Variants in BTG4 observed in about 807,000 individuals in gnomAD.
BTG4 encodes protein BTG4.
Under a neutral mutation model 19.3 loss-of-function variants are expected in BTG4, and 10 were observed. The ratio of observed to expected loss-of-function variants is 0.52; its 90% CI spans 0.32 to 0.88. The LOEUF is 0.88. BTG4 is among the 40% of genes least tolerant of loss of function. The pLI, the probability that BTG4 is intolerant of heterozygous loss-of-function variation, is 0.04. For missense variants in BTG4, 238 were observed against 281.9 expected (o/e 0.84, Z 1.11); for synonymous variants, 91 against 95.7 (o/e 0.95, Z 0.29).
chr11:111,498,605 T>A lies in BTG4; in HGVS notation c.172A>T (p.Arg58Trp), dbSNP rs1434205568. 5 of 1,611,954 alleles carry A rather than the reference T, an allele frequency of 3.1e-6. No individual in the cohort carries two copies. Among genetic ancestry groups the A allele is most frequent in the Middle Eastern group, 1.7e-4 (1 of 6,060 alleles). Residue 58 changes from arginine (R) to tryptophan (W), a missense_variant and splice_region_variant, in exon 2 of 5, where the codon AGG becomes TGG. By Grantham distance (101) the Arg-to-Trp change is moderately radical. Transcript: ENST00000692032. ...GCCATCCCACATACTAGCTCTCACC[T>A]GAAGGCTTGCCCTTTAGAAGGGCAA... Reference protein sequence around the residue: ...SDCPSKGQAFRCIRINNNQNK... With the variant: ...SDCPSKGQAFWCIRINNNQNK...
the BTG4 span, chr11:111,462,054 C>T: frequency 2.6e-5 from 4 of 152,824 alleles, no homozygotes; most frequent in South Asian, 6.2e-4. Context: ...GAGGCACCAC[C>T]TCACAGTCCC....
At chr11:111,396,157 C>T in the BTG4 span, among the ~76,000 whole-genome samples, 1 of 152,224 alleles carries the variant, frequency 6.6e-6, no homozygotes, top group Admixed American at 6.5e-5. Context: ...CAGTTGAACT[C>T]CTACATAAGA....
upstream of BTG4, among the ~76,000 whole-genome samples, chr11:111,512,579 G>T (rs1274405632): frequency 6.6e-6 from 1 of 152,198 alleles, no homozygotes; most frequent in Non-Finnish European, 1.5e-5. Flanking sequence ...GGAAGTGGGA[G>T]CCCGGGCCGA....
the BTG4 span, chr11:111,414,706 C>T: frequency 2.0e-5 from 3 of 152,350 alleles, no homozygotes; most frequent in Admixed American, 6.5e-5. Context: ...TAATGAGATC[C>T]GGGTCACTTG....
chr11:111,476,221 A>G (rs534491890), intron 5 of BTG4, among the ~76,000 whole-genome samples: 4 of 152,190 alleles, frequency 2.6e-5, no homozygotes, highest in African/African-American at 9.6e-5. Flanking sequence ...TAGACTACTA[A>G]AGAATTAAAG....
the BTG4 span, among the ~76,000 whole-genome samples, chr11:111,419,954 T>C: frequency 6.6e-6 from 1 of 152,222 alleles, no homozygotes; most frequent in Non-Finnish European, 1.5e-5. Context: ...TTGGCTTAGT[T>C]TGGCCACACA....
intron 5 of BTG4, among the ~76,000 whole-genome samples, chr11:111,487,571 C>T (rs942473225): frequency 6.6e-6 from 1 of 152,072 alleles, no homozygotes; most frequent in African/African-American, 2.4e-5. Context: ...CCCACTTTCA[C>T]CATTTTTATT....
At chr11:111,444,378 T>C in the BTG4 span, among the ~76,000 whole-genome samples, 19 of 151,810 alleles carry the variant, frequency 1.3e-4, no homozygotes, top group African/African-American at 3.1e-4. Context: ...TCTCACTTAT[T>C]TGTGGAATCT....
the BTG4 span, among the ~76,000 whole-genome samples, chr11:111,456,291 CA>C: frequency 1.3e-5 from 2 of 152,122 alleles, no homozygotes; most frequent in Non-Finnish European, 2.9e-5. This position sits in a 1 kb window ranked among gnomAD's most constrained non-coding sequence, Gnocchi z 4.2. Flanking sequence ...GAGGCTTTTC[CA>C]GTCTCTGCCG....
At chr11:111,491,111 G>C (rs1455272236), downstream of BTG4, among the ~76,000 whole-genome samples, 2 of 152,148 alleles carry the variant, frequency 1.3e-5, no homozygotes, top group South Asian at 2.1e-4. Flanking sequence ...TTAGTGAAAA[G>C]AGCCAATTCC....
At chr11:111,492,859 T>A (rs1214403995), downstream of BTG4, among the ~76,000 whole-genome samples, 1 of 152,000 alleles carries the variant, frequency 6.6e-6, no homozygotes, top group Non-Finnish European at 1.5e-5. Flanking sequence ...AGTATCCCAA[T>A]CAAGAAGTCT....
Position 111,483,192 on chromosome 11 carries a change from C to T in BTG4, c.662+11971G>A, listed in dbSNP as rs185049514. The stretch of plus-strand genomic sequence containing the variant: ...GTACACCCCAGTGCTGATACACCTG[C>T]AGTGACCACAAGCTTAGATCACAAC... On this transcript the variant is annotated intron_variant, in intron 5 of 5. Coordinates refer to the BTG4 transcript ENST00000356018. Among the ~76,000 whole-genome samples the T allele has an allele frequency of 4.6e-5, 7 of 152,294 alleles. No individual in the cohort carries two copies. The East Asian group carries it at 1.3e-3, about 29-fold the overall frequency.
At chr11:111,426,951 A>T in the BTG4 span, among the ~76,000 whole-genome samples, 1 of 152,194 alleles carries the variant, frequency 6.6e-6, no homozygotes, top group Admixed American at 6.5e-5. Flanking sequence ...TGCAAACACA[A>T]TTGATTTACA....
chr11:111,490,738 T>C (rs1203225830), downstream of BTG4, among the ~76,000 whole-genome samples: 4 of 152,326 alleles, frequency 2.6e-5, no homozygotes, highest in East Asian at 7.7e-4. Flanking sequence ...TCAGAATGGC[T>C]GAAATAAAAA....
chr11:111,408,307 A>G, the BTG4 span, among the ~76,000 whole-genome samples: 3 of 152,126 alleles, frequency 2.0e-5, 1 homozygote, highest in African/African-American at 7.2e-5. Context: ...CCATTACTAC[A>G]ACCTGCTTAG....
intron 5 of BTG4, among the ~76,000 whole-genome samples, chr11:111,477,499 A>G (rs1864464679): frequency 6.6e-6 from 1 of 152,172 alleles, no homozygotes; most frequent in Non-Finnish European, 1.5e-5. Context: ...ATAGAATTCT[A>G]TCTTTGAGGA....
the BTG4 span, among the ~76,000 whole-genome samples, chr11:111,401,265 T>C: frequency 1.3e-5 from 2 of 151,930 alleles, no homozygotes; most frequent in Non-Finnish European, 2.9e-5. Context: ...GGCGGGCGGA[T>C]CACGAGGTCA....
intron 1 of BTG4, among the ~76,000 whole-genome samples, chr11:111,505,249 G>A (rs1175007047): frequency 1.3e-5 from 2 of 151,994 alleles, no homozygotes; most frequent in African/African-American, 4.8e-5. Context: ...AAATCGCATG[G>A]TACTAGTACA....
At chr11:111,440,016 G>A in the BTG4 span, among the ~76,000 whole-genome samples, 1 of 152,208 alleles carries the variant, frequency 6.6e-6, no homozygotes, top group African/African-American at 2.4e-5. Flanking sequence ...TCACAGTGCT[G>A]TAGTTCAGAA....
Sources: gnomAD v4.1 joint callset for allele counts (sites outside exome capture counted in the v4.1 genomes callset) on GRCh38, gnomAD v4.1.1 for gene constraint, Gnocchi (gnomAD v3.1) non-coding constraint, MANE v1.5 for transcripts, NCBI Gene and HGNC (gene_info 2026-07-23, HGNC 2026-07-21) for gene names.